TENM3: variants seen among roughly 807,000 people sequenced by gnomAD.
TENM3 encodes the protein teneurin-3.
In TENM3, 63 loss-of-function variants were observed where a neutral mutation model predicts 255.1. The ratio of observed to expected loss-of-function variants is 0.25; its 90% confidence interval spans 0.20 to 0.30. TENM3 has a LOEUF of 0.30. Among genes scored for constraint, TENM3 ranks in the 10% least tolerant of loss-of-function variants. The pLI is 1.00. For synonymous variants in TENM3, 1,306 were observed against 1,322.3 expected, an observed-to-expected ratio of 0.99 and a Z score of 0.27; for missense variants, 2,929 against 3,461.1, an observed-to-expected ratio of 0.85 and a Z score of 3.86.
chr4:182,354,498 G>A (rs1459112472), intron 3 of TENM3, among the ~76,000 whole-genome samples: 1 of 152,162 alleles, frequency 6.6e-6, no homozygotes, highest in African/African-American at 2.4e-5. Flanking sequence ...CATTCCGTGA[G>A]CACTCAAGTG....
the TENM3 span, among the ~76,000 whole-genome samples, chr4:181,577,566 T>C: frequency 2.0e-5 from 3 of 152,182 alleles, no homozygotes; most frequent in Non-Finnish European, 4.4e-5. Context: ...TCCTATGAGA[T>C]AGACGTTGAA....
chr4:182,439,627 C>G (rs541229511), intron 3 of TENM3, among the ~76,000 whole-genome samples: 1 of 152,268 alleles, frequency 6.6e-6, no homozygotes, highest in South Asian at 2.1e-4. Context: ...TGTAAACTAG[C>G]TGTCTCTATT....
intron 1 of TENM3, among the ~76,000 whole-genome samples, chr4:182,263,986 C>G (rs924899138): frequency 6.6e-6 from 1 of 152,154 alleles, no homozygotes; most frequent in African/African-American, 2.4e-5. Flanking sequence ...GCGATGGTGC[C>G]GCAAGCCGGA....
At chr4:182,447,404 C>T (rs1410109099) in intron 3 of TENM3, among the ~76,000 whole-genome samples, 2 of 152,134 alleles carry the variant, frequency 1.3e-5, no homozygotes, top group Admixed American at 1.3e-4. Context: ...GGTAGAAGAG[C>T]TGTATTCATA....
At chr4:182,100,698 CATATATATACACACATAT>C in the TENM3 span, among the ~76,000 whole-genome samples, 1 of 62,846 alleles carries the variant, frequency 1.6e-5, no homozygotes, top group Admixed American at 2.1e-4. Context: ...TATATACACA[CATATATATACACACATAT>C]ATATACACAC....
At chr4:181,722,106 A>C in the TENM3 span, among the ~76,000 whole-genome samples, 1 of 152,204 alleles carries the variant, frequency 6.6e-6, no homozygotes, top group Admixed American at 6.5e-5. Flanking sequence ...AAGATCATGA[A>C]ATACCTCTAG....
At chr4:181,806,275 T>A in the TENM3 span, among the ~76,000 whole-genome samples, 4 of 152,212 alleles carry the variant, frequency 2.6e-5, no homozygotes, top group Non-Finnish European at 1.5e-5. Context: ...TTACTGTAGT[T>A]ACATCTGTCA....
At chr4:182,561,903 TAC>T (rs969332787) in intron 3 of TENM3, among the ~76,000 whole-genome samples, 12 of 151,996 alleles carry the variant, frequency 7.9e-5, no homozygotes, top group African/African-American at 2.9e-4. Flanking sequence ...AAACTGCAAT[TAC>T]TTTTGCACCA....
At chr4:182,596,975 C>T (rs565183433) in intron 3 of TENM3, among the ~76,000 whole-genome samples, 25 of 152,140 alleles carry the variant, frequency 1.6e-4, no homozygotes, top group Non-Finnish European at 3.2e-4. Flanking sequence ...TGTTCTTGTG[C>T]GGATCTGCCC....
At chr4:181,808,438 GA>G in the TENM3 span, among the ~76,000 whole-genome samples, 1 of 152,012 alleles carries the variant, frequency 6.6e-6, no homozygotes, top group Non-Finnish European at 1.5e-5. Context: ...ATTTAAATAG[GA>G]AAAAAATTCT....
At chr4:181,902,775 G>A in the TENM3 span, among the ~76,000 whole-genome samples, 7 of 151,964 alleles carry the variant, frequency 4.6e-5, no homozygotes, top group Non-Finnish European at 8.8e-5. Context: ...GGGGTGGGGG[G>A]CAAGGTGAGG....
At chr4:181,498,164 A>G in the TENM3 span, among the ~76,000 whole-genome samples, 1 of 152,224 alleles carries the variant, frequency 6.6e-6, no homozygotes. Flanking sequence ...ACAAGAATAT[A>G]GTCCTCAACC....
the TENM3 span, among the ~76,000 whole-genome samples, chr4:181,704,838 G>C: frequency 6.6e-6 from 1 of 152,000 alleles, no homozygotes; most frequent in Non-Finnish European, 1.5e-5. Flanking sequence ...TTTGAAACCA[G>C]CCTGACCAAC....
chr4:182,079,087 G>A, the TENM3 span, among the ~76,000 whole-genome samples: 1 of 152,188 alleles, frequency 6.6e-6, no homozygotes, highest in Non-Finnish European at 1.5e-5. Context: ...CTCCCCAATG[G>A]ACAATGAGTA....
At chr4:181,501,854 C>T in the TENM3 span, among the ~76,000 whole-genome samples, 12 of 152,248 alleles carry the variant, frequency 7.9e-5, no homozygotes, top group Non-Finnish European at 1.5e-4. Context: ...AGTCTGAGGA[C>T]ATAGATGCCA....
chr4:182,785,210 G>A (rs2152818028), intron 24 of TENM3, among the ~76,000 whole-genome samples: 2 of 151,692 alleles, frequency 1.3e-5, no homozygotes, highest in Middle Eastern at 3.4e-3. Flanking sequence ...CCAAGTAGCT[G>A]GGACTACAGG....
At chr4:182,078,878 C>A in the TENM3 span, among the ~76,000 whole-genome samples, 1 of 152,076 alleles carries the variant, frequency 6.6e-6, no homozygotes, top group Non-Finnish European at 1.5e-5. Context: ...ATGGGAAGGT[C>A]ATGTTGGAAG....
chr4:182,019,223 A>G, the TENM3 span, among the ~76,000 whole-genome samples: 64 of 152,208 alleles, frequency 4.2e-4, no homozygotes, highest in Middle Eastern at 0.02. Flanking sequence ...CCTCACCCTC[A>G]ATTTGGAAAC....
Position 182,653,900 on chromosome 4 carries a change from G to A in TENM3, c.1111+7G>A, listed in dbSNP as rs368777500. On this transcript the variant is annotated splice_region_variant and intron_variant, in intron 6 of 27. Transcript: ENST00000511685. The stretch of plus-strand genomic sequence containing the variant: ...TTACCTTCTGGAGACAATGGTAAGC[G>A]AAAGAATTATGTATCCTGTGTTTCT... The A allele has an allele frequency of 1.9e-4, 300 of 1,604,426 alleles. 2 individuals are homozygous for A. In the African/African-American group the frequency reaches 2.1e-3, roughly 11 times the overall value.
Sources: gnomAD v4.1 joint callset for allele counts (sites outside exome capture counted in the v4.1 genomes callset) on GRCh38, gnomAD v4.1.1 for gene constraint, MANE v1.5 for transcripts, NCBI Gene and HGNC (gene_info 2026-07-23, HGNC 2026-07-21) for gene names.